EGFR: variants seen among roughly 807,000 people sequenced by gnomAD.
EGFR encodes epidermal growth factor receptor, also known as avian erythroblastic leukemia viral (v-erb-b) oncogene homolog.
A neutral mutation model predicts 143.0 loss-of-function variants in EGFR; 58 were observed. That is an observed-to-expected ratio of 0.41 (90% CI 0.33 to 0.50). The LOEUF (loss-of-function observed/expected upper bound fraction) is 0.50, where lower values mean the gene tolerates loss of function less well. Among genes scored for constraint, EGFR ranks in the 20% least tolerant of loss-of-function variants. EGFR has a pLI of 0.39. For missense variants in EGFR, 1,307 were observed against 1,579.0 expected (o/e 0.83, Z 2.92); for synonymous variants, 613 against 594.4 (o/e 1.03, Z -0.45).
chr7:55,060,451 A>C (rs1789099968), intron 1 of EGFR, among the ~76,000 whole-genome samples: 1 of 152,228 alleles, frequency 6.6e-6, no homozygotes, highest in African/African-American at 2.4e-5. Context: ...AAAGTCTCAC[A>C]TTCTAAGAAA....
chr7:55,050,134 C>A (rs1005383333), intron 1 of EGFR, among the ~76,000 whole-genome samples: 1 of 152,150 alleles, frequency 6.6e-6, no homozygotes, highest in Non-Finnish European at 1.5e-5. Flanking sequence ...AAGTGGAGTT[C>A]AGTGGCATTA....
rs770629430 is a variant in EGFR, at chr7:55,061,625, T to TGC, written c.88+42261_88+42262insCG. On this transcript the variant is annotated intron_variant, in intron 1 of 27. Transcript: ENST00000275493. ...CGGTCTCCAGGGATGTGTGTGTGTGTGTGTGTGTGTGTGTGTGTGTGTGTG... is the reference window on the plus strand; with the variant it reads ...CGGTCTCCAGGGATGTGTGTGTGTGTGCGTGTGTGTGTGTGTGTGTGTGTGTG... 3.2e-3 allele frequency among the ~76,000 whole-genome samples: 417 copies of TGC among 130,044 alleles called. 2 individuals carry two copies. Among genetic ancestry groups the TGC allele is most frequent in the South Asian group, 0.011 (48 of 4,184 alleles). The allele number at this position is 130,044 out of a possible 152,430, so 85.3% of individuals were successfully genotyped here.
chr7:55,181,132 C>T (rs1046573829), intron 19 of EGFR, 161 bp from the exon 20 acceptor site: 19 of 884,552 alleles, frequency 2.1e-5, no homozygotes, highest in African/African-American at 3.3e-5. Context: ...CCTGCGTAAA[C>T]GTCCCTGTGC....
At chr7:55,171,671 A>G (rs868225970) in intron 16 of EGFR, among the ~76,000 whole-genome samples, 1 of 152,182 alleles carries the variant, frequency 6.6e-6, no homozygotes, top group Non-Finnish European at 1.5e-5. Context: ...ACTGCCCAGC[A>G]AAGGCAAAAG....
intron 1 of EGFR, among the ~76,000 whole-genome samples, chr7:55,074,600 C>G (rs548509053): frequency 1.3e-5 from 2 of 152,276 alleles, no homozygotes; most frequent in South Asian, 4.1e-4. Flanking sequence ...CTTGCTTGCT[C>G]CCCAAATACC....
chr7:55,161,421 C>T lies in EGFR; in HGVS notation c.1499-78C>T, dbSNP rs868839385. 13 of 1,539,556 alleles carry T rather than the reference C, an allele frequency of 8.4e-6. No homozygotes were observed. In the African/African-American group the frequency reaches 1.1e-4, roughly 13 times the overall value. The stretch of plus-strand genomic sequence containing the variant: ...AAGGTCATGGAGCACAGGGCCCCTC[C>T]CGGGAAGGTGCCGTCTCCTCCGGCC... On this transcript the variant is annotated intron_variant, in intron 12 of 27. Transcript: ENST00000275493.
intron 1 of EGFR, among the ~76,000 whole-genome samples, chr7:55,105,154 C>T (rs1035132744): frequency 6.6e-6 from 1 of 152,290 alleles, no homozygotes; most frequent in Admixed American, 6.5e-5. Flanking sequence ...TACATGTCTG[C>T]CTTTATTGCT....
At chr7:55,104,489 T>C (rs1458556822) in intron 1 of EGFR, among the ~76,000 whole-genome samples, 1 of 152,166 alleles carries the variant, frequency 6.6e-6, no homozygotes, top group Admixed American at 6.5e-5. Context: ...GTGAGCCTCA[T>C]TTGTCTCATC....
chr7:55,113,766 T>G (rs539100289), intron 1 of EGFR, among the ~76,000 whole-genome samples: 1 of 152,356 alleles, frequency 6.6e-6, no homozygotes, highest in South Asian at 2.1e-4. Flanking sequence ...CAAGGTGATT[T>G]GATAAGAAGC....
rs572137336 is a variant in EGFR, at chr7:55,112,629, G to A, written c.89-29657G>A. Among the ~76,000 whole-genome samples the A allele has an allele frequency of 5.9e-5, 9 of 152,354 alleles. 1 individual carries two copies. The highest frequency in any genetic ancestry group is 5.9e-4 in the Admixed American group (9 of 15,310). ...GCCTCAGCAGCCTCCTGTGAAGCGA[G>A]GAAGGGTCTTCCTGCCGGCCTCTGG... On this transcript the variant is annotated intron_variant, in intron 1 of 27. Coordinates refer to ENST00000275493, the MANE Select transcript of EGFR (RefSeq NM_005228.5).
chr7:55,182,344 G>A (rs1562791545), intron 20 of EGFR: 1 of 152,374 alleles, frequency 6.6e-6, no homozygotes, highest in Non-Finnish European at 1.5e-5. Context: ...GGGACCAGAG[G>A]GAGGGAGCAG....
intron 1 of EGFR, among the ~76,000 whole-genome samples, chr7:55,020,559 TACACACAC>T (rs11568315): frequency 4.1e-5 from 6 of 145,152 alleles, no homozygotes; most frequent in Admixed American, 6.8e-5. Context: ...AAACCTGTCT[TACACACAC>T]ACACACACAC....
chr7:55,084,257 G>C (rs75452783), intron 1 of EGFR, among the ~76,000 whole-genome samples: 2 of 148,588 alleles, frequency 1.3e-5, no homozygotes, highest in African/African-American at 5.0e-5. Flanking sequence ...AGGCTCATAA[G>C]GGTTCTTGGC....
chr7:55,163,872 C>T lies in EGFR; in HGVS notation c.1722+49C>T, dbSNP rs748382986. The T allele has an allele frequency of 3.1e-5, 49 of 1,599,372 alleles. No individual in the cohort carries two copies. The African/African-American group carries it at 5.6e-4, about 18-fold the overall frequency. On this transcript the variant is annotated intron_variant, in intron 14 of 27. Coordinates refer to ENST00000275493, the MANE Select transcript of EGFR (RefSeq NM_005228.5). ...ACGTCCATTTCATGGGAAGGGCCTT[C>T]ACAGAAGCCGAACAGTGATGATGGC...
chr7:55,181,561 G>A (rs1209775414), intron 20 of EGFR, 83 bp downstream of exon 20: 8 of 1,549,492 alleles, frequency 5.2e-6, no homozygotes, highest in Non-Finnish European at 7.1e-6. Flanking sequence ...GATAGCAAGA[G>A]TTTGCCATGG....
chr7:55,120,251 C>G (rs1290558809), intron 1 of EGFR, among the ~76,000 whole-genome samples: 1 of 152,156 alleles, frequency 6.6e-6, no homozygotes, highest in Non-Finnish European at 1.5e-5. Flanking sequence ...GGGACGCCAC[C>G]CACCCTCGTG....
chr7:55,132,079 G>C (rs1159188490), intron 1 of EGFR, among the ~76,000 whole-genome samples: 1 of 151,672 alleles, frequency 6.6e-6, no homozygotes, highest in Non-Finnish European at 1.5e-5. Flanking sequence ...ATGTTCATGG[G>C]TAAACCAATG....
At chr7:55,152,455 C>T in intron 5 of EGFR, 91 bp from the exon 6 acceptor site, 1 of 1,191,296 alleles carries the variant, frequency 8.4e-7, no homozygotes, top group Non-Finnish European at 1.3e-6. Context: ...TTCACTTTTT[C>T]ATGAAAAAGT....
chr7:55,068,056 A>G (rs1436006760), intron 1 of EGFR, among the ~76,000 whole-genome samples: 2 of 141,324 alleles, frequency 1.4e-5, no homozygotes, highest in Non-Finnish European at 3.0e-5. Context: ...GTGTACATGT[A>G]TGTACGCGTG....
Sources: allele counts gnomAD v4.1 joint callset (sites outside exome capture counted in the v4.1 genomes callset), GRCh38; gene constraint gnomAD v4.1.1; transcripts MANE v1.5; gene names NCBI Gene and HGNC (gene_info 2026-07-23, HGNC 2026-07-21).